Variants in BRIP1 observed in about 807,000 individuals in gnomAD.
BRIP1 encodes the protein BRCA1 interacting DNA helicase 1.
BRIP1 carries 88 observed loss-of-function variants against 119.7 expected under a neutral mutation model. The ratio of observed to expected loss-of-function variants is 0.74; its 90% CI spans 0.62 to 0.88. The LOEUF is 0.88. BRIP1 is among the 40% of genes least tolerant of loss of function. The pLI is 0.00. For synonymous variants in BRIP1, 443 were observed against 496.5 expected, an observed-to-expected ratio of 0.89 and a Z score of 1.43; for missense variants, 1,259 against 1,455.4, an observed-to-expected ratio of 0.87 and a Z score of 2.20.
Position 61,700,204 on chromosome 17 carries a change from T to TA in BRIP1, c.2493-6693dup, listed in dbSNP as rs1296797060. Among the ~76,000 whole-genome samples, 8 of 152,174 alleles carry TA rather than the reference T, an allele frequency of 5.3e-5. No individual in the cohort carries two copies. The highest frequency in any genetic ancestry group is 1.7e-4 in the African/African-American group (7 of 41,448). On this transcript the variant is annotated intron_variant, in intron 17 of 19. Transcript: ENST00000259008. The surrounding 1 kb of genome is among the most constrained non-coding windows in gnomAD (Gnocchi z 4.1). ...TTATTGTTTTATGCAGTTGCTCTTT[T>TA]AAAAAATCAAGAGTAAAAGAATTAT...
At position 61,806,316 on chromosome 17, in the gene BRIP1, A is replaced by C. The variant is rs1417483639; in HGVS notation, c.918+2151T>G. On this transcript the variant is annotated intron_variant, in intron 7 of 19. Coordinates refer to ENST00000259008, the MANE Select transcript of BRIP1 (RefSeq NM_032043.3). This position sits in a 1 kb window ranked among gnomAD's most constrained non-coding sequence, Gnocchi z 4.9. ...TATGGTGACTTTGTAATTGCCCTTC[A>C]TTACAATACCAAATTACTAACAGGG... Among the ~76,000 whole-genome samples the C allele has an allele frequency of 6.6e-6, 1 of 152,208 alleles. No homozygotes were observed. The highest frequency in any genetic ancestry group is 6.5e-5 in the Admixed American group (1 of 15,288).
rs2078426180 is a variant in BRIP1, at chr17:61,827,414, A to T, written c.628-18657T>A. On this transcript the variant is annotated intron_variant, in intron 6 of 19. Coordinates refer to ENST00000259008, the MANE Select transcript of BRIP1 (RefSeq NM_032043.3). This position sits in a 1 kb window ranked among gnomAD's most constrained non-coding sequence, Gnocchi z 5.8. ...AACAAACCTGAGCATGTACCCCTGA[A>T]CTTAAAATAAAAATTAAATTTAAAA... 1.3e-5 allele frequency among the ~76,000 whole-genome samples: 2 copies of T among 152,132 alleles called. No individual in the cohort carries two copies. The highest frequency in any genetic ancestry group is 6.5e-5 in the Admixed American group (1 of 15,270).
chr17:61,792,081 G>T (rs1360123458), intron 10 of BRIP1, among the ~76,000 whole-genome samples: 4 of 152,186 alleles, frequency 2.6e-5, no homozygotes, highest in South Asian at 2.1e-4. Flanking sequence ...GCCACTTTTT[G>T]TCAAGAGACA....
Position 61,778,565 on chromosome 17 carries a change from CATT to C in BRIP1, c.1935+1693_1935+1695del, listed in dbSNP as rs1428039319. Among the ~76,000 whole-genome samples, 1 of 152,140 alleles carries C rather than the reference CATT, an allele frequency of 6.6e-6. No individual in the cohort carries two copies. Among genetic ancestry groups the C allele is most frequent in the African/African-American group, 2.4e-5 (1 of 41,432 alleles). On this transcript the variant is annotated intron_variant, in intron 13 of 19. Coordinates refer to ENST00000259008, the MANE Select transcript of BRIP1 (RefSeq NM_032043.3). The surrounding 1 kb of genome is among the most constrained non-coding windows in gnomAD (Gnocchi z 4.4). ...GTAACAGAATCCAGCTGCACAACTA[CATT>C]ATTATAATTCAGCGACATTATAGGT...
intron 19 of BRIP1, 170 bp downstream of exon 19, chr17:61,685,666 A>C (rs1421195501): frequency 3.1e-6 from 2 of 648,988 alleles, no homozygotes; most frequent in East Asian, 5.6e-5. Flanking sequence ...GTCTCCTGAC[A>C]AAAGTTTGTT....
At position 61,705,985 on chromosome 17, in the gene BRIP1, A is replaced by C. The variant is rs899826015; in HGVS notation, c.2492+9966T>G. Among the ~76,000 whole-genome samples the C allele has an allele frequency of 1.3e-5, 2 of 152,122 alleles. No homozygotes were observed. Among genetic ancestry groups the C allele is most frequent in the Admixed American group, 6.5e-5 (1 of 15,270 alleles). On this transcript the variant is annotated intron_variant, in intron 17 of 19. Transcript: ENST00000259008. The surrounding 1 kb of genome is among the most constrained non-coding windows in gnomAD (Gnocchi z 5.0). ...CTATATCTTTATTAGTTTGTCTACT[A>C]GTTCTGTTATTGAGAGGAATTTTGA...
rs548674096 is a variant in BRIP1, at chr17:61,683,419, A to T, written c.3627T>A (p.Ile1209=). ...LHIEESKIDD[I]DGNVKTTWIN... is the part of the protein sequence containing the mutation. ...TCCAAGTTGTTTTTACATTACCATC[A>T]ATGTCATCAATTTTACTTTCTTCAA... The change falls in exon 20 of 20, where the codon ATT becomes ATA. Residue 1209 remains isoleucine, a synonymous_variant. Coordinates refer to ENST00000259008, the MANE Select transcript of BRIP1 (RefSeq NM_032043.3). This position sits in a 1 kb window ranked among gnomAD's most constrained non-coding sequence, Gnocchi z 4.7. 1 of 1,613,592 alleles carries T rather than the reference A, an allele frequency of 6.2e-7. No individual in the cohort carries two copies. Among genetic ancestry groups the T allele is most frequent in the South Asian group, 1.1e-5 (1 of 91,030 alleles).
At position 61,824,234 on chromosome 17, in the gene BRIP1, C is replaced by T. The variant is rs1291782273; in HGVS notation, c.628-15477G>A. On this transcript the variant is annotated intron_variant, in intron 6 of 19. Coordinates refer to ENST00000259008, the MANE Select transcript of BRIP1 (RefSeq NM_032043.3). The surrounding 1 kb of genome is among the most constrained non-coding windows in gnomAD (Gnocchi z 4.3). ...AAATGTGAACCTAAACTTCAATACC[C>T]AGTGAAAATGTGTTTCAAAACAAAG... Among the ~76,000 whole-genome samples, 1 of 152,160 alleles carries T rather than the reference C, an allele frequency of 6.6e-6. No homozygotes were observed. Among genetic ancestry groups the T allele is most frequent in the African/African-American group, 2.4e-5 (1 of 41,450 alleles).
chr17:61,858,436 C>T (rs1185234324), intron 3 of BRIP1, among the ~76,000 whole-genome samples: 20 of 151,372 alleles, frequency 1.3e-4, no homozygotes, highest in African/African-American at 3.6e-4. Flanking sequence ...TGCAATGGCG[C>T]GATCTCGGCT....
rs553304599 is a variant in BRIP1 at position 61,802,279 on chromosome 17, A to T, written c.919-805T>A. On this transcript the variant is annotated intron_variant, in intron 7 of 19. Transcript: ENST00000259008. This position sits in a 1 kb window ranked among gnomAD's most constrained non-coding sequence, Gnocchi z 6.0. Reference sequence around the variant, plus strand: ...AGTTTGATACCAGCCTGGGCAATGTAGCAAAACCCTGTCTCTACAAAAAAT... The same window carrying T: ...AGTTTGATACCAGCCTGGGCAATGTTGCAAAACCCTGTCTCTACAAAAAAT... Among the ~76,000 whole-genome samples, 7 of 152,134 alleles carry T rather than the reference A, an allele frequency of 4.6e-5. No homozygotes were observed. Among genetic ancestry groups the T allele is most frequent in the Non-Finnish European group, 8.8e-5 (6 of 67,998 alleles).
chr17:61,829,117 T>C (rs935279481), intron 6 of BRIP1, among the ~76,000 whole-genome samples: 2 of 152,042 alleles, frequency 1.3e-5, no homozygotes, highest in Non-Finnish European at 2.9e-5. Flanking sequence ...TTACACTGAA[T>C]GTAAATAGTA....
chr17:61,715,468 T>C (rs2061845461), intron 17 of BRIP1, among the ~76,000 whole-genome samples: 1 of 152,150 alleles, frequency 6.6e-6, no homozygotes, highest in African/African-American at 2.4e-5. Flanking sequence ...ATTTTGTTTC[T>C]ATTTGATGAT....
chr17:61,773,243 A>G (rs141214747), intron 14 of BRIP1, among the ~76,000 whole-genome samples: 4 of 152,238 alleles, frequency 2.6e-5, no homozygotes, highest in African/African-American at 9.6e-5. Context: ...AGAACAACTA[A>G]TTGACAAACC....
rs2077002485 is a variant in BRIP1 at position 61,742,743 on chromosome 17, C to T, written c.2379+270G>A. ...ATTACAATAGTAACATCAAAGATCACTTATCACAGATTACCCTAACAGTAT... is the reference window on the plus strand; with the variant it reads ...ATTACAATAGTAACATCAAAGATCATTTATCACAGATTACCCTAACAGTAT... On this transcript the variant is annotated intron_variant, in intron 16 of 19. Coordinates refer to ENST00000259008, the MANE Select transcript of BRIP1 (RefSeq NM_032043.3). This position sits in a 1 kb window ranked among gnomAD's most constrained non-coding sequence, Gnocchi z 4.7. Among the ~76,000 whole-genome samples, 1 of 152,138 alleles carries T rather than the reference C, an allele frequency of 6.6e-6. No individual in the cohort carries two copies. The highest frequency in any genetic ancestry group is 6.6e-5 in the Admixed American group (1 of 15,262).
chr17:61,835,355 AAAAT>A (rs1414466877), intron 6 of BRIP1, among the ~76,000 whole-genome samples: 1 of 152,142 alleles, frequency 6.6e-6, no homozygotes, highest in Non-Finnish European at 1.5e-5. Context: ...AGCACCAAAA[AAAAT>A]AAATACTGGT....
rs950829162 is a variant in BRIP1 at position 61,736,185 on chromosome 17, A to G, written c.2379+6828T>C. On this transcript the variant is annotated intron_variant, in intron 16 of 19. Transcript: ENST00000259008. This position sits in a 1 kb window ranked among gnomAD's most constrained non-coding sequence, Gnocchi z 4.4. ...TCCAAAAAAAAAAAAAAGTTTAGCCAGGTGTGGTGGCACATGCCTACAGTC... is the reference window on the plus strand; with the variant it reads ...TCCAAAAAAAAAAAAAAGTTTAGCCGGGTGTGGTGGCACATGCCTACAGTC... 6.6e-6 allele frequency among the ~76,000 whole-genome samples: 1 copy of G among 150,566 alleles called. No homozygotes were observed. The highest frequency in any genetic ancestry group is 1.5e-5 in the Non-Finnish European group (1 of 67,526).
rs140581962 is a variant in BRIP1 at position 61,804,446 on chromosome 17, G to GTGTGTGTA, written c.919-2973_919-2972insTACACACA. ...TGTGTGTGTGTGTGTGTGTGTGTGTGTATGTGTGTGTACATACACATACAT... is the reference window on the plus strand; with the variant it reads ...TGTGTGTGTGTGTGTGTGTGTGTGTGTGTGTGTATATGTGTGTGTACATACACATACAT... On this transcript the variant is annotated intron_variant, in intron 7 of 19. Transcript: ENST00000259008. The surrounding 1 kb of genome is among the most constrained non-coding windows in gnomAD (Gnocchi z 4.5). 3.7e-3 allele frequency among the ~76,000 whole-genome samples: 514 copies of GTGTGTGTA among 140,784 alleles called. 21 individuals carry two copies. The highest frequency in any genetic ancestry group is 0.016 in the East Asian group (77 of 4,900). 92.4% of individuals were successfully genotyped at this position (140,784 alleles called of 152,430 possible).
At position 61,814,072 on chromosome 17, in the gene BRIP1, C is replaced by T. The variant is rs531538910; in HGVS notation, c.628-5315G>A. Among the ~76,000 whole-genome samples, 11 of 152,000 alleles carry T rather than the reference C, an allele frequency of 7.2e-5. No individual in the cohort carries two copies. The highest frequency in any genetic ancestry group is 2.1e-4 in the South Asian group (1 of 4,836). On this transcript the variant is annotated intron_variant, in intron 6 of 19. Transcript: ENST00000259008. This position sits in a 1 kb window ranked among gnomAD's most constrained non-coding sequence, Gnocchi z 4.9. Reference sequence around the variant, plus strand: ...CCAAGGGAAAAATAAAAAACACAAACTTTCAATTAATAGACTCTTTAGAGC... The same window carrying T: ...CCAAGGGAAAAATAAAAAACACAAATTTTCAATTAATAGACTCTTTAGAGC...
In BRIP1 at chr17:61,746,117, C is replaced by T. The variant is rs536853682; in HGVS notation, c.2098-1526G>A. ...TTTATTTCCTCAATTTTACCTTTAA[C>T]TATTTTTAGAAATAAACTTCTTAAT... On this transcript the variant is annotated intron_variant, in intron 14 of 19. Transcript: ENST00000259008. This position sits in a 1 kb window ranked among gnomAD's most constrained non-coding sequence, Gnocchi z 4.9. Among the ~76,000 whole-genome samples, 157 of 152,190 alleles carry T rather than the reference C, an allele frequency of 1.0e-3. 1 individual carries two copies. The highest frequency in any genetic ancestry group is 1.9e-3 in the Non-Finnish European group (129 of 67,984).
Sources: allele counts gnomAD v4.1 joint callset (sites outside exome capture counted in the v4.1 genomes callset), GRCh38; gene constraint gnomAD v4.1.1; non-coding constraint Gnocchi (gnomAD v3.1); transcripts MANE v1.5; gene names NCBI Gene and HGNC (gene_info 2026-07-23, HGNC 2026-07-21).